Variants in ARHGAP10 observed in about 807,000 individuals in gnomAD.
ARHGAP10 encodes Rho GTPase activating protein 10, also known as rho GTPase-activating protein 10.
ARHGAP10 carries 87 observed loss-of-function variants against 108.6 expected under a neutral mutation model. That is an observed-to-expected ratio of 0.80 (90% CI 0.67 to 0.96). ARHGAP10 has a LOEUF of 0.96. ARHGAP10 is among the 40% of genes least tolerant of loss of function. ARHGAP10 has a pLI of 0.00. For synonymous variants in ARHGAP10, 347 were observed against 341.1 expected (o/e 1.02, Z -0.19); for missense variants, 939 against 954.5 (o/e 0.98, Z 0.21).
chr4:148,001,073 T>C (rs1226911436), intron 18 of ARHGAP10, among the ~76,000 whole-genome samples: 1 of 152,232 alleles, frequency 6.6e-6, no homozygotes, highest in Non-Finnish European at 1.5e-5. Flanking sequence ...CTTTAATCCA[T>C]CTTGAATTAA....
chr4:147,847,945 A>G (rs1159304639), intron 4 of ARHGAP10, among the ~76,000 whole-genome samples: 1 of 152,198 alleles, frequency 6.6e-6, no homozygotes, highest in Non-Finnish European at 1.5e-5. Context: ...AATTTTGTGT[A>G]TGTACTTGAG....
chr4:147,778,121 T>C (rs1039727917), intron 1 of ARHGAP10, among the ~76,000 whole-genome samples: 9 of 152,128 alleles, frequency 5.9e-5, no homozygotes. Context: ...CTGCTAGAAG[T>C]GTCGGTTTAG....
chr4:147,994,432 C>A (rs1424007845), intron 18 of ARHGAP10, among the ~76,000 whole-genome samples: 3 of 152,176 alleles, frequency 2.0e-5, no homozygotes, highest in African/African-American at 7.2e-5. Flanking sequence ...TTCTTAATTA[C>A]CAGAAGTGCA....
At chr4:147,915,792 A>G (rs544037773) in intron 13 of ARHGAP10, among the ~76,000 whole-genome samples, 3 of 152,342 alleles carry the variant, frequency 2.0e-5, no homozygotes, top group East Asian at 3.9e-4. Flanking sequence ...AAAAGAATCA[A>G]CAGAACTTAT....
chr4:147,890,232 T>C (rs1316285425), intron 10 of ARHGAP10, among the ~76,000 whole-genome samples: 1 of 152,236 alleles, frequency 6.6e-6, no homozygotes, highest in Non-Finnish European at 1.5e-5. Flanking sequence ...TTACTATTAC[T>C]GAGAACCAAT....
At chr4:147,915,134 A>G (rs1736919832) in intron 13 of ARHGAP10, among the ~76,000 whole-genome samples, 1 of 152,172 alleles carries the variant, frequency 6.6e-6, no homozygotes, top group Admixed American at 6.5e-5. Context: ...CACCTATGAA[A>G]CTAGTGTGTA....
At chr4:147,848,877 C>T (rs1326757849) in intron 4 of ARHGAP10, among the ~76,000 whole-genome samples, 1 of 152,192 alleles carries the variant, frequency 6.6e-6, no homozygotes, top group East Asian at 1.9e-4. Flanking sequence ...ATAAGTAATC[C>T]TTTTAAAAGG....
intron 13 of ARHGAP10, among the ~76,000 whole-genome samples, chr4:147,922,044 A>G (rs1025061331): frequency 1.1e-4 from 17 of 152,050 alleles, no homozygotes; most frequent in Non-Finnish European, 2.1e-4. Context: ...TGCACCTCCG[A>G]CATCTCTCAC....
chr4:147,858,843 C>T (rs1734201697), intron 5 of ARHGAP10, among the ~76,000 whole-genome samples: 1 of 152,238 alleles, frequency 6.6e-6, no homozygotes, highest in African/African-American at 2.4e-5. Context: ...ATCCACTTCA[C>T]TTTCTCATTA....
chr4:147,805,065 T>G (rs942988826), intron 1 of ARHGAP10, among the ~76,000 whole-genome samples: 3 of 152,222 alleles, frequency 2.0e-5, no homozygotes, highest in Non-Finnish European at 4.4e-5. Flanking sequence ...CTATCCAGAA[T>G]GGTATTTCCT....
At chr4:147,896,692 C>T (rs1052904797) in intron 10 of ARHGAP10, among the ~76,000 whole-genome samples, 1 of 151,484 alleles carries the variant, frequency 6.6e-6, no homozygotes, top group Non-Finnish European at 1.5e-5. Context: ...TCTTTTCATT[C>T]CCTAAGTTAG....
At chr4:147,966,015 A>G (rs540045598) in intron 17 of ARHGAP10, among the ~76,000 whole-genome samples, 1 of 152,366 alleles carries the variant, frequency 6.6e-6, no homozygotes, top group East Asian at 1.9e-4. Context: ...ATTAAGTTGC[A>G]GGGCTGCTGA....
intron 13 of ARHGAP10, among the ~76,000 whole-genome samples, chr4:147,914,569 T>A: frequency 1.3e-5 from 1 of 79,716 alleles, no homozygotes; most frequent in Admixed American, 1.6e-4. Flanking sequence ...CCCCCCCCCC[T>A]TTTTTTTTTT....
intron 16 of ARHGAP10, among the ~76,000 whole-genome samples, chr4:147,958,186 A>G (rs1738860128): frequency 1.3e-5 from 2 of 152,182 alleles, no homozygotes; most frequent in African/African-American, 4.8e-5. Flanking sequence ...GTAGGCTATG[A>G]TCTGTGTGTC....
At chr4:147,878,495 A>T (rs1220456235) in intron 8 of ARHGAP10, among the ~76,000 whole-genome samples, 2 of 152,336 alleles carry the variant, frequency 1.3e-5, no homozygotes, top group African/African-American at 4.8e-5. Context: ...TTTTTAGACT[A>T]GATGCTTCTT....
intron 1 of ARHGAP10, among the ~76,000 whole-genome samples, chr4:147,752,972 A>G (rs1027891878): frequency 7.9e-5 from 12 of 152,158 alleles, no homozygotes; most frequent in Non-Finnish European, 8.8e-5. Context: ...TGGTATTCTC[A>G]ATGTATTTAA....
intron 19 of ARHGAP10, among the ~76,000 whole-genome samples, chr4:148,038,524 C>T (rs1046105788): frequency 6.6e-6 from 1 of 152,176 alleles, no homozygotes; most frequent in Admixed American, 6.5e-5. Flanking sequence ...CCTTTCTCCT[C>T]CCCTACCTCC....
chr4:147,738,700 G>A (rs1368050419), intron 1 of ARHGAP10, among the ~76,000 whole-genome samples: 2 of 152,072 alleles, frequency 1.3e-5, no homozygotes, highest in Non-Finnish European at 2.9e-5. Context: ...TATTATCAAG[G>A]CCCTGTTCTT....
intron 18 of ARHGAP10, among the ~76,000 whole-genome samples, chr4:147,972,216 ATATT>A (rs976300306): frequency 9.9e-5 from 15 of 152,156 alleles, no homozygotes; most frequent in African/African-American, 3.1e-4. Flanking sequence ...GCGTAAGAAA[ATATT>A]TATTGGATGC....
Sources: allele counts gnomAD v4.1 joint callset (sites outside exome capture counted in the v4.1 genomes callset), GRCh38; gene constraint gnomAD v4.1.1; transcripts MANE v1.5; gene names NCBI Gene and HGNC (gene_info 2026-07-23, HGNC 2026-07-21).